ENO4: variants seen among roughly 807,000 people sequenced by gnomAD.
The protein encoded by ENO4 is enolase 4, also known as 2-phospho-D-glycerate hydro-lyase.
A neutral mutation model predicts 63.2 loss-of-function variants in ENO4; 53 were observed. That is an observed-to-expected ratio of 0.84 (90% CI 0.67 to 1.05). The LOEUF is 1.05. Ranked by LOEUF, ENO4 falls within the 50% of genes least tolerant of loss-of-function variation. The probability of loss-of-function intolerance (pLI) is 0.00; values close to 1 mark genes in which losing one functional copy is unlikely to be tolerated. For synonymous variants in ENO4, 266 were observed against 283.8 expected (o/e 0.94, Z 0.63); for missense variants, 719 against 772.0 (o/e 0.93, Z 0.81).
At chr10:116,852,659 T>C (rs1330823283) in intron 1 of ENO4, among the ~76,000 whole-genome samples, 1 of 152,228 alleles carries the variant, frequency 6.6e-6, no homozygotes, top group Non-Finnish European at 1.5e-5. Flanking sequence ...TCTTGGAATC[T>C]AGTCATCATG....
At chr10:116,889,593 G>A (rs555177021) in intron 10 of ENO4, among the ~76,000 whole-genome samples, 1 of 152,118 alleles carries the variant, frequency 6.6e-6, no homozygotes, top group East Asian at 1.9e-4. Context: ...GCATGAAGAG[G>A]GGAAGGAACT....
downstream of ENO4, chr10:116,883,654 T>C (rs1008724490): frequency 9.2e-5 from 14 of 152,810 alleles, no homozygotes; most frequent in African/African-American, 3.4e-4. Context: ...AAATAATTGT[T>C]ACCTGTACTA....
At chr10:116,878,740 A>ATTT (rs1554903491) in intron 11 of ENO4, among the ~76,000 whole-genome samples, 3 of 63,576 alleles carry the variant, frequency 4.7e-5, no homozygotes, top group Non-Finnish European at 6.8e-5. Context: ...CAAATCATAT[A>ATTT]TCTTTTTTTT....
rs185815146 is a variant in ENO4 at position 116,864,069 on chromosome 10, G to A, written c.990+1217G>A. Among the ~76,000 whole-genome samples, 419 of 152,290 alleles carry A rather than the reference G, an allele frequency of 2.8e-3. 3 individuals are homozygous for A. The highest frequency in any genetic ancestry group is 9.6e-3 in the African/African-American group (397 of 41,562). ...AGTAAACAAGTGTAATATCAAACACGCCGCATCAGGAGCCGGTGCCACAGG... is the reference window on the plus strand; with the variant it reads ...AGTAAACAAGTGTAATATCAAACACACCGCATCAGGAGCCGGTGCCACAGG... On this transcript the variant is annotated intron_variant, in intron 7 of 13. Transcript: ENST00000341276.
intron 10 of ENO4, chr10:116,902,011 T>C (rs929158235): frequency 2.1e-6 from 3 of 1,440,518 alleles, no homozygotes; most frequent in African/African-American, 1.5e-5. Context: ...TGCTTATTAA[T>C]ATGGTACTGA....
chr10:116,874,736 G>A (rs868078438), intron 10 of ENO4, among the ~76,000 whole-genome samples: 1 of 152,162 alleles, frequency 6.6e-6, no homozygotes. Flanking sequence ...GCAGTGGCAC[G>A]ATCTTGGCTC....
intron 9 of ENO4, among the ~76,000 whole-genome samples, chr10:116,873,007 C>T (rs561274165): frequency 6.6e-6 from 1 of 152,040 alleles, no homozygotes; most frequent in Non-Finnish European, 1.5e-5. Context: ...TCATCAGCAA[C>T]GTATACCAGG....
chr10:116,873,754 T>C (rs1218438082), intron 9 of ENO4: 6 of 376,774 alleles, frequency 1.6e-5, no homozygotes, highest in Non-Finnish European at 2.2e-5. Flanking sequence ...TTTATGTTAT[T>C]GTCCATCTAC....
Position 116,856,477 on chromosome 10 carries a change from TTATATGATTTTCAGAA to T in ENO4, c.295-14_296del, listed in dbSNP as rs1352036570. The T allele has an allele frequency of 3.9e-6, 6 of 1,533,904 alleles. No individual in the cohort carries two copies. Among genetic ancestry groups the T allele is most frequent in the Non-Finnish European group, 5.2e-6 (6 of 1,145,424 alleles). On this transcript the variant is annotated splice_acceptor_variant and splice_polypyrimidine_tract_variant and coding_sequence_variant and intron_variant, in exon 3 of 14. Transcript: ENST00000341276. LOFTEE classifies it high-confidence loss of function. ...GAGGTAGGGAAAGTGTTGAACACAT[TTATATGATTTTCAGAA>T]CGTATGTTCTGTGGTGATCTCGACT...
chr10:116,893,819 T>C (rs1847423984), intron 10 of ENO4, among the ~76,000 whole-genome samples: 1 of 152,216 alleles, frequency 6.6e-6, no homozygotes, highest in Non-Finnish European at 1.5e-5. Flanking sequence ...TTATGCCAAG[T>C]TTCCCTAAAG....
At chr10:116,883,526 C>A (rs560907848), downstream of ENO4, 16 of 152,276 alleles carry the variant, frequency 1.1e-4, 1 homozygote, top group African/African-American at 3.9e-4. Flanking sequence ...TGTTCCACAA[C>A]GAGTGTAACT....
intron 2 of ENO4, 79 bp downstream of exon 2, chr10:116,855,830 A>G: frequency 1.4e-6 from 2 of 1,400,842 alleles, no homozygotes; most frequent in South Asian, 3.0e-5. Context: ...AGCTGTAGAA[A>G]ATTATTGTTT....
chr10:116,876,692 T>C (rs1589763564), intron 11 of ENO4, among the ~76,000 whole-genome samples: 1 of 152,356 alleles, frequency 6.6e-6, no homozygotes, highest in South Asian at 2.1e-4. Context: ...GGCTCATGCC[T>C]GTAATCCCAG....
At chr10:116,880,008 T>TCAA (rs1846959260) in intron 13 of ENO4, 22 bp downstream of exon 13, 1 of 1,495,172 alleles carries the variant, frequency 6.7e-7, no homozygotes, top group Non-Finnish European at 9.1e-7. Flanking sequence ...TTTCTTGCTT[T>TCAA]GTTTCCACTT....
At chr10:116,850,097 G>T (rs1380300792) in intron 1 of ENO4, 1 of 384,436 alleles carries the variant, frequency 2.6e-6, no homozygotes. Flanking sequence ...ATACCTTAAT[G>T]CCCTCAGCTC....
In ENO4 at chr10:116,882,154, A is replaced by G. The variant is rs79976526; in HGVS notation, c.*485A>G. The G allele has an allele frequency of 0.069, 10,484 of 152,320 alleles. 470 individuals are homozygous for G. The highest frequency in any genetic ancestry group is 0.1 in the Non-Finnish European group (7,072 of 68,152). 9.4% of individuals were successfully genotyped at this position (152,320 alleles called of 1,614,324 possible). ...CACGTAGAAGTGTGAGAGCATCACC[A>G]TTTTTTGTAAGAGCCAATTTCATCT... On this transcript the variant is annotated 3_prime_UTR_variant, in exon 14 of 14. Transcript: ENST00000341276.
At chr10:116,902,572 T>C (rs1847788116) in intron 10 of ENO4, among the ~76,000 whole-genome samples, 1 of 152,314 alleles carries the variant, frequency 6.6e-6, no homozygotes, top group African/African-American at 2.4e-5. Flanking sequence ...TTAAAAACCA[T>C]AATAAAACTT....
chr10:116,911,675 G>A, exon 11 of ENO4: 1 of 1,577,534 alleles, frequency 6.3e-7, no homozygotes, highest in Non-Finnish European at 8.7e-7. Flanking sequence ...CCAAAGATGA[G>A]GCTAATTGTA....
chr10:116,885,244 A>G (rs1431733140), downstream of ENO4: 1 of 152,662 alleles, frequency 6.6e-6, no homozygotes, highest in East Asian at 1.9e-4. Context: ...TTTCTTTAAT[A>G]GTAAAATTAC....
Sources: allele counts gnomAD v4.1 joint callset (sites outside exome capture counted in the v4.1 genomes callset), GRCh38; gene constraint gnomAD v4.1.1; transcripts MANE v1.5; gene names NCBI Gene and HGNC (gene_info 2026-07-23, HGNC 2026-07-21).